Variants in SLC24A4 observed in about 807,000 individuals in gnomAD.
SLC24A4 encodes sodium/potassium/calcium exchanger 4.
Under a neutral mutation model 79.0 loss-of-function variants are expected in SLC24A4, and 53 were observed. The ratio of observed to expected loss-of-function variants is 0.67; its 90% CI spans 0.54 to 0.84. The LOEUF (loss-of-function observed/expected upper bound fraction) is 0.84. Ranked by LOEUF, SLC24A4 falls within the 40% of genes least tolerant of loss-of-function variation. SLC24A4 has a pLI of 0.00. For missense variants in SLC24A4, 731 were observed against 822.0 expected (o/e 0.89, Z 1.35); for synonymous variants, 323 against 323.8 (o/e 1.00, Z 0.03).
chr14:92,480,285 C>CTTTTTTT, intron 12 of SLC24A4, among the ~76,000 whole-genome samples: 1 of 35,000 alleles, frequency 2.9e-5, no homozygotes, highest in Admixed American at 6.0e-4. Context: ...GAGATCTTTC[C>CTTTTTTT]CTTTTTTTTT....
intron 6 of SLC24A4, among the ~76,000 whole-genome samples, 153 bp downstream of exon 6, chr14:92,442,969 A>G (rs1041789427): frequency 4.6e-5 from 7 of 152,294 alleles, no homozygotes; most frequent in African/African-American, 1.7e-4. Context: ...GGCCTCTCCA[A>G]CAGGGAGCAT....
intron 2 of SLC24A4, among the ~76,000 whole-genome samples, chr14:92,433,336 T>C (rs1287792067): frequency 6.6e-6 from 1 of 152,250 alleles, no homozygotes; most frequent in Non-Finnish European, 1.5e-5. Context: ...GCAGGAATGA[T>C]ACTCAAACCC....
At position 92,492,079 on chromosome 14, in the gene SLC24A4, A is replaced by G. The variant is rs931784995; in HGVS notation, c.1651-96A>G. 6.2e-6 allele frequency: 7 copies of G among 1,135,434 alleles called. No homozygotes were observed. The African/African-American group carries it at 6.2e-5, about 10-fold the overall frequency. 70.3% of individuals were successfully genotyped at this position (1,135,434 alleles called of 1,614,324 possible). A position where few individuals can be genotyped will look rare whatever the true frequency, so the allele number is the denominator to read the frequency against. On this transcript the variant is annotated intron_variant, in intron 15 of 16. Transcript: ENST00000532405. ...ACCTGTAAACACCTGTGTTTTCCTG[A>G]TGAGGGAATGCATTGGGCCCAGGCA...
chr14:92,439,292 A>G (rs748462316), intron 3 of SLC24A4, 43 bp from the exon 4 acceptor site: 9 of 1,557,040 alleles, frequency 5.8e-6, no homozygotes, highest in Admixed American at 1.7e-5. Flanking sequence ...CAGCTGCAGC[A>G]GGGACCCTCA....
At chr14:92,434,091 C>T (rs927754006) in intron 3 of SLC24A4, 103 bp downstream of exon 3, 5 of 913,018 alleles carry the variant, frequency 5.5e-6, no homozygotes, top group Non-Finnish European at 9.1e-6. Context: ...ATTCTTGTAA[C>T]AGCCCAGTGA....
rs1408267823 is a variant in SLC24A4 at position 92,353,042 on chromosome 14, A to G, written c.241+27064A>G. ...TGTTTTCATATGATTCAAAATTCAA[A>G]AAGCACTGGAGATGATAAAATAAAA... On this transcript the variant is annotated intron_variant, in intron 2 of 16. Transcript: ENST00000532405. The surrounding 1 kb of genome is among the most constrained non-coding windows in gnomAD (Gnocchi z 4.1). Among the ~76,000 whole-genome samples the G allele has an allele frequency of 6.6e-6, 1 of 152,164 alleles. No individual in the cohort carries two copies. The highest frequency in any genetic ancestry group is 1.5e-5 in the Non-Finnish European group (1 of 68,028).
At chr14:92,483,662 G>C (rs1895193607) in intron 13 of SLC24A4, 1 of 1,185,136 alleles carries the variant, frequency 8.4e-7, no homozygotes, top group African/African-American at 1.6e-5. Context: ...AGGCCACACA[G>C]GAGCCTCCTT....
chr14:92,461,003 A>T (rs373790546), intron 12 of SLC24A4, among the ~76,000 whole-genome samples: 5 of 152,154 alleles, frequency 3.3e-5, no homozygotes, highest in Non-Finnish European at 7.4e-5. Context: ...GGTAGGGGGA[A>T]AAAGAGGAAG....
At chr14:92,466,715 T>C (rs185523175) in intron 12 of SLC24A4, among the ~76,000 whole-genome samples, 5 of 152,278 alleles carry the variant, frequency 3.3e-5, no homozygotes, top group Admixed American at 3.3e-4. Flanking sequence ...ACCTGCCCAC[T>C]GGTAAGTAGC....
In SLC24A4 at chr14:92,334,848, C is replaced by CG. The variant is rs1885685717; in HGVS notation, c.241+8872dup. Reference sequence around the variant, plus strand: ...GCTGTATGGAAGTATTTGAACCATACGGAGCCCGTGGTAGCTGCCATCATC... The same window carrying CG: ...GCTGTATGGAAGTATTTGAACCATACGGGAGCCCGTGGTAGCTGCCATCATC... On this transcript the variant is annotated intron_variant, in intron 2 of 16. Transcript: ENST00000532405. 2.0e-5 allele frequency among the ~76,000 whole-genome samples: 3 copies of CG among 152,016 alleles called. No homozygotes were observed. In the South Asian group the frequency reaches 6.2e-4, roughly 32 times the overall value.
At chr14:92,415,697 A>G (rs1050920164) in intron 2 of SLC24A4, among the ~76,000 whole-genome samples, 2 of 152,112 alleles carry the variant, frequency 1.3e-5, no homozygotes, top group Admixed American at 1.3e-4. Flanking sequence ...ACCTCAGGTG[A>G]TCCACCCACC....
At chr14:92,410,832 C>T (rs1469628547) in intron 2 of SLC24A4, among the ~76,000 whole-genome samples, 4 of 152,170 alleles carry the variant, frequency 2.6e-5, no homozygotes, top group African/African-American at 9.7e-5. Flanking sequence ...TGTGGAGTGC[C>T]TCTCATCTGG....
intron 2 of SLC24A4, among the ~76,000 whole-genome samples, chr14:92,394,820 G>A (rs369728277): frequency 3.3e-5 from 5 of 152,216 alleles, no homozygotes; most frequent in Non-Finnish European, 7.3e-5. Flanking sequence ...TCATTTGTGC[G>A]TTCTCTGTCA....
Position 92,355,027 on chromosome 14 carries a change from TG to T in SLC24A4, c.241+29053del, listed in dbSNP as rs368932320. On this transcript the variant is annotated intron_variant, in intron 2 of 16. Transcript: ENST00000532405. ...AGGCAGAGGTTGGAGTGAGCTGAGATGGGGCCATTGCACTCCAACCTGTGTG... is the reference window on the plus strand; with the variant it reads ...AGGCAGAGGTTGGAGTGAGCTGAGATGGGCCATTGCACTCCAACCTGTGTG... 1.2e-3 allele frequency among the ~76,000 whole-genome samples: 189 copies of T among 152,274 alleles called. 2 individuals carry two copies. Among genetic ancestry groups the T allele is most frequent in the African/African-American group, 4.4e-3 (181 of 41,552 alleles).
intron 2 of SLC24A4, among the ~76,000 whole-genome samples, chr14:92,408,870 G>T (rs966347359): frequency 1.3e-5 from 2 of 152,168 alleles, no homozygotes; most frequent in Non-Finnish European, 2.9e-5. Context: ...CTCAGTGGTT[G>T]TGGGGAACTT....
At position 92,497,744 on chromosome 14, in the gene SLC24A4, T is replaced by G. The variant is rs78091279; in HGVS notation, c.*4116T>G. 11,469 of 152,410 alleles carry G rather than the reference T, an allele frequency of 0.075. 571 individuals carry two copies. The highest frequency in any genetic ancestry group is 0.14 in the East Asian group (742 of 5,176). 9.4% of individuals were successfully genotyped at this position (152,410 alleles called of 1,614,324 possible). ...CTTTCTGCCCTGGGTGAATGGGTCC[T>G]TGGGGGAGGGGTTGGTCTTTTGTCT... On this transcript the variant is annotated 3_prime_UTR_variant, in exon 17 of 17. Transcript: ENST00000532405.
In SLC24A4 at chr14:92,494,719, A is replaced by T. The variant is rs1276924327; in HGVS notation, c.*1091A>T. 3 of 152,290 alleles carry T rather than the reference A, an allele frequency of 2.0e-5. No individual in the cohort carries two copies. In the East Asian group the frequency reaches 5.8e-4, roughly 29 times the overall value. The allele number at this position is 152,290 out of a possible 1,614,324, so 9.4% of individuals were successfully genotyped here. A position where few individuals can be genotyped will look rare whatever the true frequency, so the allele number is the denominator to read the frequency against. On this transcript the variant is annotated 3_prime_UTR_variant, in exon 17 of 17. Transcript: ENST00000532405. The surrounding 1 kb of genome is among the most constrained non-coding windows in gnomAD (Gnocchi z 4.6). Reference sequence around the variant, plus strand: ...GTTAATGACGAGAAGAGATTGCCTGAAAAACAACAAACTGCTTTCTGGTTA... The same window carrying T: ...GTTAATGACGAGAAGAGATTGCCTGTAAAACAACAAACTGCTTTCTGGTTA...
At chr14:92,446,241 G>A (rs1371102879) in intron 8 of SLC24A4, among the ~76,000 whole-genome samples, 1 of 151,814 alleles carries the variant, frequency 6.6e-6, no homozygotes, top group African/African-American at 2.4e-5. Flanking sequence ...GTGCCATCTC[G>A]GCTCAAGTGA....
At chr14:92,382,134 A>G (rs537234763) in intron 2 of SLC24A4, among the ~76,000 whole-genome samples, 24 of 152,172 alleles carry the variant, frequency 1.6e-4, no homozygotes, top group Non-Finnish European at 2.8e-4. Flanking sequence ...AAATCTATAC[A>G]TAAGTGTGTG....
Sources: gnomAD v4.1 joint callset for allele counts (sites outside exome capture counted in the v4.1 genomes callset) on GRCh38, gnomAD v4.1.1 for gene constraint, Gnocchi (gnomAD v3.1) non-coding constraint, MANE v1.5 for transcripts, NCBI Gene and HGNC (gene_info 2026-07-23, HGNC 2026-07-21) for gene names.